The following UTRN variants were observed in gnomAD, a reference collection of about 807,000 sequenced individuals.
UTRN encodes the protein utrophin.
In UTRN, 283 loss-of-function variants were observed where a neutral mutation model predicts 463.9. The ratio of observed to expected loss-of-function variants is 0.61; its 90% CI spans 0.55 to 0.67. The LOEUF is 0.67. Among genes scored for constraint, UTRN ranks in the 30% least tolerant of loss-of-function variants. UTRN has a pLI of 0.00. For synonymous variants in UTRN, 1,442 were observed against 1,431.5 expected (o/e 1.01, Z -0.17); for missense variants, 3,922 against 4,084.3 (o/e 0.96, Z 1.08).
At chr6:144,749,174 A>G (rs1003879682) in intron 55 of UTRN, among the ~76,000 whole-genome samples, 2 of 152,302 alleles carry the variant, frequency 1.3e-5, no homozygotes, top group African/African-American at 4.8e-5. Context: ...ATTCTAGAAC[A>G]TCTCCTGAAA....
intron 38 of UTRN, 69 bp downstream of exon 38, chr6:144,516,456 C>G (rs1374855018): frequency 2.0e-6 from 3 of 1,492,858 alleles, no homozygotes. Context: ...ATTTTTACAT[C>G]AAGATGTTTG....
intron 19 of UTRN, among the ~76,000 whole-genome samples, chr6:144,456,110 T>G (rs942293889): frequency 1.3e-5 from 2 of 152,320 alleles, no homozygotes; most frequent in South Asian, 2.1e-4. Flanking sequence ...AAAAAATTTT[T>G]TTTAGGACAA....
At chr6:144,711,970 T>C (rs1785764570) in intron 53 of UTRN, among the ~76,000 whole-genome samples, 1 of 152,078 alleles carries the variant, frequency 6.6e-6, no homozygotes, top group African/African-American at 2.4e-5. Flanking sequence ...TTAGGCTGTG[T>C]GTGTGTGTGT....
intron 51 of UTRN, among the ~76,000 whole-genome samples, chr6:144,592,253 A>T (rs1045906641): frequency 6.6e-6 from 1 of 152,202 alleles, no homozygotes; most frequent in Non-Finnish European, 1.5e-5. Flanking sequence ...TCTCATGATA[A>T]ATAATTCTAT....
chr6:144,437,843 ACAG>A, intron 11 of UTRN, 97 bp downstream of exon 11: 1 of 1,283,212 alleles, frequency 7.8e-7, no homozygotes, highest in Non-Finnish European at 1.0e-6. Context: ...CGAGATGATT[ACAG>A]AACTTGCCTT....
chr6:144,306,327 G>C (rs538964261), intron 2 of UTRN, among the ~76,000 whole-genome samples: 1 of 152,216 alleles, frequency 6.6e-6, no homozygotes, highest in South Asian at 2.1e-4. Flanking sequence ...GGGTTCTGGA[G>C]GACCTTTGGG....
intron 51 of UTRN, among the ~76,000 whole-genome samples, chr6:144,669,956 G>GGT (rs35769043): frequency 0.024 from 3,556 of 147,972 alleles, 67 homozygotes; most frequent in African/African-American, 0.036. Context: ...AGTATTCCAT[G>GGT]GTGTGTGTGT....
At chr6:144,395,634 T>C in intron 2 of UTRN, among the ~76,000 whole-genome samples, 1 of 152,182 alleles carries the variant, frequency 6.6e-6, no homozygotes, top group Admixed American at 6.5e-5. Context: ...GAATTAATGG[T>C]TACATTTAAT....
intron 2 of UTRN, among the ~76,000 whole-genome samples, chr6:144,368,055 C>T (rs917222335): frequency 1.3e-5 from 2 of 152,184 alleles, no homozygotes; most frequent in African/African-American, 4.8e-5. Flanking sequence ...GCTGGGATTA[C>T]AGCCGTGAGC....
At chr6:144,768,958 G>GTT (rs1158164345) in intron 58 of UTRN, among the ~76,000 whole-genome samples, 2,599 of 112,548 alleles carry the variant, frequency 0.023, 111 homozygotes, top group African/African-American at 0.079. Flanking sequence ...GTTTTGTTTT[G>GTT]TTTTTTTTTT....
rs1562476119 is a variant in UTRN at position 144,488,662 on chromosome 6, C to T, written c.3973-11C>T. ...TTGGGCAACTAATGATTCAATTTCT[C>T]CTTTGTGCAGGCAGAGAGCAAGCAG... is the stretch of plus-strand genomic sequence containing the variant. On this transcript the variant is annotated splice_polypyrimidine_tract_variant and intron_variant, in intron 29 of 74. Transcript: ENST00000367545. 6.2e-7 allele frequency: 1 copy of T among 1,608,724 alleles called. No homozygotes were observed. Among genetic ancestry groups the T allele is most frequent in the Non-Finnish European group, 8.5e-7 (1 of 1,176,958 alleles).
At chr6:144,625,306 A>G (rs1226487753) in intron 51 of UTRN, among the ~76,000 whole-genome samples, 1 of 152,212 alleles carries the variant, frequency 6.6e-6, no homozygotes, top group Non-Finnish European at 1.5e-5. Flanking sequence ...AATATTTTAG[A>G]TACCCTTACT....
rs769402523 is a variant in UTRN, at chr6:144,839,182, G to C, written c.10075G>C (p.Asp3359His). ...CTGAATGTGGTTCCAGCCTGAATCT[G>C]ATTCCCGAATCAATGGTGTTTCCCC... ...LRQLLEQPESDSRINGVSPWA... is the reference protein window; with the variant it reads ...LRQLLEQPESHSRINGVSPWA... The change falls in exon 72 of 75, where the codon GAT (aspartate) becomes CAT (histidine). Residue 3359 changes from aspartate (D) to histidine (H), a missense_variant. By Grantham distance (81) the Asp-to-His change is moderately conservative (BLOSUM62 -1). Coordinates refer to ENST00000367545, the MANE Select transcript of UTRN (RefSeq NM_007124.3). 6 of 1,613,816 alleles carry C rather than the reference G, an allele frequency of 3.7e-6. No individual in the cohort carries two copies. The highest frequency in any genetic ancestry group is 5.1e-6 in the Non-Finnish European group (6 of 1,179,850).
intron 34 of UTRN, among the ~76,000 whole-genome samples, chr6:144,508,110 G>A (rs1794841034): frequency 6.6e-6 from 1 of 152,122 alleles, no homozygotes; most frequent in Non-Finnish European, 1.5e-5. Context: ...AGCATTCCAG[G>A]TCGACTTCAG....
intron 23 of UTRN, among the ~76,000 whole-genome samples, chr6:144,467,288 T>C (rs1790053184): frequency 1.3e-5 from 2 of 152,242 alleles, no homozygotes; most frequent in African/African-American, 4.8e-5. Context: ...CATAGCTAGA[T>C]AATCGTTCCC....
intron 2 of UTRN, among the ~76,000 whole-genome samples, chr6:144,367,254 G>A (rs1334064758): frequency 6.6e-6 from 1 of 151,778 alleles, no homozygotes; most frequent in African/African-American, 2.4e-5. Flanking sequence ...CAAAGTGCTG[G>A]GATTACAGGT....
chr6:144,820,721 T>A (rs1159096504), intron 65 of UTRN, among the ~76,000 whole-genome samples, 161 bp from the exon 66 acceptor site: 1 of 152,206 alleles, frequency 6.6e-6, no homozygotes, highest in East Asian at 1.9e-4. Flanking sequence ...TGAGTTCTTA[T>A]TGCCAAGTGT....
chr6:144,571,461 T>C (rs1358903546), intron 50 of UTRN, among the ~76,000 whole-genome samples: 2 of 152,166 alleles, frequency 1.3e-5, no homozygotes, highest in African/African-American at 2.4e-5. Context: ...CTCCTTACCT[T>C]CTTCTATCAT....
At chr6:144,684,333 A>C (rs1782525610) in intron 52 of UTRN, among the ~76,000 whole-genome samples, 1 of 152,188 alleles carries the variant, frequency 6.6e-6, no homozygotes, top group Non-Finnish European at 1.5e-5. Flanking sequence ...TACAGACGTG[A>C]GCCACCACGC....
Sources: allele counts gnomAD v4.1 joint callset (sites outside exome capture counted in the v4.1 genomes callset), GRCh38; gene constraint gnomAD v4.1.1; transcripts MANE v1.5; gene names NCBI Gene and HGNC (gene_info 2026-07-23, HGNC 2026-07-21).